MACROD2: variants seen among roughly 807,000 people sequenced by gnomAD.
MACROD2 encodes ADP-ribose glycohydrolase MACROD2.
MACROD2 carries 36 observed loss-of-function variants against 70.4 expected under a neutral mutation model. That is an observed-to-expected ratio of 0.51 (90% confidence interval 0.39 to 0.68). The LOEUF (loss-of-function observed/expected upper bound fraction) is 0.68, where lower values mean the gene tolerates loss of function less well. Among genes scored for constraint, MACROD2 ranks in the 30% least tolerant of loss-of-function variants. The pLI, the probability that MACROD2 is intolerant of heterozygous loss-of-function variation, is 0.00. For missense variants in MACROD2, 496 were observed against 538.4 expected, an observed-to-expected ratio of 0.92 and a Z score of 0.78; for synonymous variants, 172 against 178.8, an observed-to-expected ratio of 0.96 and a Z score of 0.30.
chr20:15,129,223 CTG>C (rs1194770040), intron 5 of MACROD2, among the ~76,000 whole-genome samples: 1 of 151,884 alleles, frequency 6.6e-6, no homozygotes, highest in East Asian at 1.9e-4. Flanking sequence ...ATTGAAGAAA[CTG>C]GAAATATATG....
At chr20:15,871,664 G>A (rs568498927) in intron 9 of MACROD2, among the ~76,000 whole-genome samples, 1 of 152,170 alleles carries the variant, frequency 6.6e-6, no homozygotes, top group Admixed American at 6.6e-5. Flanking sequence ...CACTTTCAGT[G>A]ATCTTTAAAG....
At chr20:15,866,037 G>A (rs1038504781) in intron 9 of MACROD2, among the ~76,000 whole-genome samples, 17 of 152,232 alleles carry the variant, frequency 1.1e-4, no homozygotes, top group Admixed American at 5.2e-4. Flanking sequence ...TATCACAACT[G>A]ATCACACAGG....
intron 6 of MACROD2, among the ~76,000 whole-genome samples, chr20:15,400,266 C>T (rs2045912189): frequency 6.6e-6 from 1 of 152,166 alleles, no homozygotes; most frequent in Non-Finnish European, 1.5e-5. Flanking sequence ...AGTTTAGCTT[C>T]TGCATAGGAA....
chr20:14,152,983 A>G (rs1342950171), intron 3 of MACROD2, among the ~76,000 whole-genome samples: 1 of 152,192 alleles, frequency 6.6e-6, no homozygotes, highest in Non-Finnish European at 1.5e-5. Flanking sequence ...TTGATCATAA[A>G]TTTAAATTGG....
At chr20:15,709,777 A>G (rs2050597004) in intron 8 of MACROD2, among the ~76,000 whole-genome samples, 1 of 152,218 alleles carries the variant, frequency 6.6e-6, no homozygotes, top group Non-Finnish European at 1.5e-5. Flanking sequence ...ATCACCTCAA[A>G]TATTTGTTTG....
chr20:15,592,544 A>G (rs896462550), intron 8 of MACROD2, among the ~76,000 whole-genome samples: 1 of 152,232 alleles, frequency 6.6e-6, no homozygotes, highest in Non-Finnish European at 1.5e-5. Flanking sequence ...TAAAGCTCAC[A>G]GTCATAAAAG....
chr20:14,724,641 G>A (rs2071507227), intron 5 of MACROD2, among the ~76,000 whole-genome samples: 1 of 152,104 alleles, frequency 6.6e-6, no homozygotes, highest in Non-Finnish European at 1.5e-5. Context: ...TCAAGCAAAG[G>A]AAACACATAT....
chr20:14,011,227 T>A (rs1423494408), intron 2 of MACROD2, among the ~76,000 whole-genome samples: 1 of 152,166 alleles, frequency 6.6e-6, no homozygotes, highest in Non-Finnish European at 1.5e-5. Context: ...ACTGGCAAGG[T>A]GCTTCCTGAT....
At chr20:14,424,509 G>A (rs749033236) in intron 3 of MACROD2, among the ~76,000 whole-genome samples, 4 of 152,036 alleles carry the variant, frequency 2.6e-5, no homozygotes, top group Non-Finnish European at 5.9e-5. Flanking sequence ...TTATTTTTGG[G>A]GAAGTAATTT....
chr20:15,756,964 G>A (rs1206245328), intron 8 of MACROD2, among the ~76,000 whole-genome samples: 1 of 152,148 alleles, frequency 6.6e-6, no homozygotes, highest in Non-Finnish European at 1.5e-5. Context: ...CGAATTGTTA[G>A]TCAGCTGATT....
intron 8 of MACROD2, among the ~76,000 whole-genome samples, chr20:15,583,428 T>C (rs1292784726): frequency 2.6e-5 from 4 of 152,152 alleles, no homozygotes; most frequent in African/African-American, 7.2e-5. Context: ...AGTGGAGAAA[T>C]TGGGGAATGC....
At chr20:15,822,351 T>A (rs1158017411) in intron 8 of MACROD2, among the ~76,000 whole-genome samples, 1 of 152,204 alleles carries the variant, frequency 6.6e-6, no homozygotes, top group Non-Finnish European at 1.5e-5. Context: ...CCAAATGATA[T>A]GTGATACATC....
chr20:14,464,459 A>G (rs1771234908), intron 3 of MACROD2, among the ~76,000 whole-genome samples: 2 of 151,738 alleles, frequency 1.3e-5, no homozygotes, highest in East Asian at 1.9e-4. Flanking sequence ...CGGTCTATCA[A>G]TTTTGTTGAT....
rs186757191 is a variant in MACROD2 at position 14,440,930 on chromosome 20, C to G, written c.272-52549C>G. ...GGGGCCATATAACCCTGCAGCAGGG[C>G]ACATGGCATGGTAAACAGAGCCTAG... On this transcript the variant is annotated intron_variant, in intron 3 of 17. Coordinates refer to ENST00000684519, the MANE Select transcript of MACROD2 (RefSeq NM_001351661.2). Among the ~76,000 whole-genome samples the G allele has an allele frequency of 2.0e-5, 3 of 152,232 alleles. No homozygotes were observed. The East Asian group carries it at 5.8e-4, about 29-fold the overall frequency.
chr20:14,254,987 C>A (rs1266438515), intron 3 of MACROD2, among the ~76,000 whole-genome samples: 5 of 152,030 alleles, frequency 3.3e-5, no homozygotes, highest in Non-Finnish European at 7.4e-5. Context: ...TATTTTATTT[C>A]TCCTTCACTT....
intron 3 of MACROD2, among the ~76,000 whole-genome samples, chr20:14,289,350 A>T (rs568701433): frequency 6.6e-6 from 1 of 152,240 alleles, no homozygotes; most frequent in African/African-American, 2.4e-5. Flanking sequence ...AAAAATTACA[A>T]AAGTAACCCT....
intron 8 of MACROD2, chr20:15,619,641 T>A (rs991400762): frequency 5.0e-6 from 2 of 401,640 alleles, no homozygotes; most frequent in African/African-American, 4.3e-5. Flanking sequence ...TGTAGTCTCC[T>A]GAGGCAAAGT....
intron 12 of MACROD2, among the ~76,000 whole-genome samples, chr20:15,950,509 CA>C (rs1414415661): frequency 6.6e-6 from 1 of 151,892 alleles, no homozygotes; most frequent in Non-Finnish European, 1.5e-5. Context: ...TTAACCCTGT[CA>C]AAAAAGACAA....
intron 6 of MACROD2, among the ~76,000 whole-genome samples, chr20:15,231,699 A>G (rs1334336644): frequency 6.6e-6 from 1 of 152,086 alleles, no homozygotes; most frequent in African/African-American, 2.4e-5. Context: ...ATTTGCTACC[A>G]TTAGGTAAGC....
Sources: gnomAD v4.1 joint callset for allele counts (sites outside exome capture counted in the v4.1 genomes callset) on GRCh38, gnomAD v4.1.1 for gene constraint, MANE v1.5 for transcripts, NCBI Gene and HGNC (gene_info 2026-07-23, HGNC 2026-07-21) for gene names.